The following RSBN1 variants were observed in gnomAD, a reference collection of about 807,000 sequenced individuals.
RSBN1 encodes the protein round spermatid basic protein 1.
RSBN1 carries 23 observed loss-of-function variants against 74.8 expected under a neutral mutation model. The observed-to-expected ratio is 0.31, with a 90% CI of 0.22 to 0.44. The LOEUF (loss-of-function observed/expected upper bound fraction) is 0.44, where lower values mean the gene tolerates loss of function less well. Among genes scored for constraint, RSBN1 ranks in the 20% least tolerant of loss-of-function variants. The probability of loss-of-function intolerance (pLI) is 1.00; values close to 1 mark genes in which losing one functional copy is unlikely to be tolerated. For missense variants in RSBN1, 808 were observed against 1,020.9 expected (o/e 0.79, Z 2.84); for synonymous variants, 407 against 379.6 (o/e 1.07, Z -0.84).
chr1:113,775,206 G>T (rs1417917269), intron 4 of RSBN1, among the ~76,000 whole-genome samples: 1 of 151,694 alleles, frequency 6.6e-6, no homozygotes, highest in Admixed American at 6.6e-5. Flanking sequence ...TGTATTTTTA[G>T]TAGAGATGGG....
chr1:113,798,265 GAT>G (rs1316532992), intron 1 of RSBN1, among the ~76,000 whole-genome samples: 1 of 152,040 alleles, frequency 6.6e-6, no homozygotes, highest in African/African-American at 2.4e-5. Flanking sequence ...GTATATTACT[GAT>G]AATGGAGAAA....
chr1:113,776,707 C>A (rs1660036827), intron 4 of RSBN1, among the ~76,000 whole-genome samples: 1 of 149,820 alleles, frequency 6.7e-6, no homozygotes, highest in Non-Finnish European at 1.5e-5. Context: ...CCTATAGCCA[C>A]AGTTACTTGG....
intron 1 of RSBN1, 92 bp downstream of exon 1, chr1:113,811,618 G>A: frequency 6.8e-7 from 1 of 1,475,444 alleles, no homozygotes; most frequent in Non-Finnish European, 9.0e-7. Context: ...CAGAAGGTAA[G>A]CAGGGGTTTG....
At chr1:113,776,952 A>G (rs1174476770) in intron 4 of RSBN1, among the ~76,000 whole-genome samples, 1 of 152,200 alleles carries the variant, frequency 6.6e-6, no homozygotes, top group Non-Finnish European at 1.5e-5. Context: ...ATTAATGTAA[A>G]CCACACTAAG....
At chr1:113,794,692 G>A (rs747358587) in intron 2 of RSBN1, among the ~76,000 whole-genome samples, 8 of 152,168 alleles carry the variant, frequency 5.3e-5, no homozygotes, top group Non-Finnish European at 1.2e-4. Flanking sequence ...CCTCAAGTCT[G>A]CATTAGGTAA....
chr1:113,771,461 G>A (rs559942474), intron 4 of RSBN1, among the ~76,000 whole-genome samples: 5 of 151,782 alleles, frequency 3.3e-5, no homozygotes, highest in Admixed American at 6.6e-5. Context: ...ACTGAAATAA[G>A]CCTTCTATAG....
intron 1 of RSBN1, among the ~76,000 whole-genome samples, chr1:113,807,313 CAAA>C (rs767306902): frequency 1.4e-5 from 1 of 70,004 alleles, no homozygotes. Context: ...GAATCCATCT[CAAA>C]AAAAAAAAAA....
chr1:113,772,866 T>TATA (rs796870202), intron 4 of RSBN1, among the ~76,000 whole-genome samples: 5 of 152,294 alleles, frequency 3.3e-5, no homozygotes, highest in African/African-American at 1.2e-4. Flanking sequence ...TCCTCTATAC[T>TATA]GAAGCCAATT....
At chr1:113,776,425 G>A (rs539742640) in intron 4 of RSBN1, among the ~76,000 whole-genome samples, 4 of 152,296 alleles carry the variant, frequency 2.6e-5, no homozygotes, top group East Asian at 1.9e-4. Context: ...GGATCTTGTC[G>A]TGGAGTCCTG....
At chr1:113,799,832 T>C (rs1323643349) in intron 1 of RSBN1, among the ~76,000 whole-genome samples, 1 of 152,152 alleles carries the variant, frequency 6.6e-6, no homozygotes, top group Non-Finnish European at 1.5e-5. Context: ...AATTGGAAAA[T>C]ATACCTAGCA....
At chr1:113,804,037 G>A (rs1164171036) in intron 1 of RSBN1, among the ~76,000 whole-genome samples, 1 of 152,070 alleles carries the variant, frequency 6.6e-6, no homozygotes, top group Admixed American at 6.5e-5. Context: ...GCTGAGGTGG[G>A]AGGATCGCTT....
At chr1:113,775,310 C>A (rs1476643907) in intron 4 of RSBN1, among the ~76,000 whole-genome samples, 1 of 151,830 alleles carries the variant, frequency 6.6e-6, no homozygotes, top group Non-Finnish European at 1.5e-5. Context: ...CAGGTGTGAG[C>A]CACCATGCCC....
At chr1:113,797,211 T>A in intron 2 of RSBN1, 152 bp downstream of exon 2, 2 of 663,118 alleles carry the variant, frequency 3.0e-6, no homozygotes, top group Non-Finnish European at 5.0e-6. Flanking sequence ...TAATTAAGAT[T>A]TTTCAATTAG....
Position 113,812,372 on chromosome 1 carries a change from G to T in RSBN1, c.41C>A (p.Ala14Glu), listed in dbSNP as rs1660894710. ...SGRRTADKWR[A>E]EERLQCPAGS... is the part of the protein sequence containing the mutation. The stretch of plus-strand genomic sequence containing the variant: ...CGCTGGGCATTGGAGTCTCTCCTCC[G>T]CCCTCCACTTGTCGGCCGTTCTTCG... The change falls in exon 1 of 7, where the codon GCG (alanine) becomes GAG (glutamate). Residue 14 changes from alanine to glutamate, a missense_variant. By Grantham distance (107) the Ala-to-Glu change is moderately radical. Coordinates refer to ENST00000261441, the MANE Select transcript of RSBN1 (RefSeq NM_018364.5). 2.5e-6 allele frequency: 4 copies of T among 1,602,258 alleles called. No individual in the cohort carries two copies. Among genetic ancestry groups the T allele is most frequent in the Non-Finnish European group, 3.4e-6 (4 of 1,179,174 alleles).
chr1:113,811,307 A>C (rs892210314), intron 1 of RSBN1, among the ~76,000 whole-genome samples: 4 of 152,192 alleles, frequency 2.6e-5, no homozygotes, highest in Admixed American at 6.5e-5. Flanking sequence ...ACCCCTGACT[A>C]TTCTGGAGCA....
At chr1:113,774,212 C>T (rs576060475) in intron 4 of RSBN1, among the ~76,000 whole-genome samples, 7 of 152,148 alleles carry the variant, frequency 4.6e-5, no homozygotes, top group South Asian at 2.1e-4. Context: ...CGTGACATCA[C>T]GCAATGTGGA....
intron 1 of RSBN1, 76 bp downstream of exon 1, chr1:113,811,634 T>C: frequency 4.0e-6 from 6 of 1,500,994 alleles, no homozygotes; most frequent in Non-Finnish European, 5.3e-6. Context: ...GTTTGGCGTC[T>C]TTCAGTCCTA....
At chr1:113,805,763 C>T (rs1423288853) in intron 1 of RSBN1, among the ~76,000 whole-genome samples, 2 of 152,080 alleles carry the variant, frequency 1.3e-5, no homozygotes, top group Non-Finnish European at 2.9e-5. Flanking sequence ...AATTAGTCTC[C>T]ACATGAATTC....
Position 113,768,238 on chromosome 1 carries a change from C to G in RSBN1, c.1810G>C (p.Val604Leu). ...STAAVGVLKA[V>L]QFGEWSDQPR... Reference sequence around the variant, plus strand: ...TTAACTCACCATTCACCAAATTGTACAGCTTTCAAAACTCCAACAGCAGCC... The same window carrying G: ...TTAACTCACCATTCACCAAATTGTAGAGCTTTCAAAACTCCAACAGCAGCC... Residue 604 changes from valine to leucine, a missense_variant, in exon 5 of 7, where the codon GTA (valine) becomes CTA (leucine). Around this residue, in one of 6 missense-constraint regions of RSBN1, gnomAD observed 18 missense variants for 16.2 expected, o/e 1.11. Coordinates refer to ENST00000261441, the MANE Select transcript of RSBN1 (RefSeq NM_018364.5). 6.2e-7 allele frequency: 1 copy of G among 1,607,924 alleles called. No homozygotes were observed. Among genetic ancestry groups the G allele is most frequent in the Non-Finnish European group, 8.5e-7 (1 of 1,177,536 alleles).
Sources: allele counts gnomAD v4.1 joint callset (sites outside exome capture counted in the v4.1 genomes callset), GRCh38; gene constraint gnomAD v4.1.1; regional missense constraint gnomAD v4.1.1; transcripts MANE v1.5; gene names NCBI Gene and HGNC (gene_info 2026-07-23, HGNC 2026-07-21).